ATG5: variants seen among roughly 807,000 people sequenced by gnomAD.
ATG5 encodes autophagy related 5, also known as autophagy protein 5.
In ATG5, 14 loss-of-function variants were observed where a neutral mutation model predicts 36.5. The ratio of observed to expected loss-of-function variants is 0.38; its 90% CI spans 0.25 to 0.60. The LOEUF (loss-of-function observed/expected upper bound fraction) is 0.60, where lower values mean the gene tolerates loss of function less well. ATG5 is among the 20% of genes least tolerant of loss of function. The pLI is 0.60. For synonymous variants in ATG5, 95 were observed against 101.5 expected, an observed-to-expected ratio of 0.94 and a Z score of 0.38; for missense variants, 195 against 326.7, an observed-to-expected ratio of 0.60 and a Z score of 3.11.
At chr6:106,246,509 T>C (rs1157272766) in intron 6 of ATG5, among the ~76,000 whole-genome samples, 1 of 151,934 alleles carries the variant, frequency 6.6e-6, no homozygotes, top group Non-Finnish European at 1.5e-5. Flanking sequence ...CTGACAATTT[T>C]CCCCTAAAAC....
chr6:106,230,484 G>A (rs1308441080), intron 6 of ATG5, among the ~76,000 whole-genome samples: 3 of 152,130 alleles, frequency 2.0e-5, no homozygotes, highest in Non-Finnish European at 4.4e-5. Flanking sequence ...AAGAAAGGCG[G>A]GAAAAGGGGT....
intron 6 of ATG5, among the ~76,000 whole-genome samples, chr6:106,208,498 A>G (rs1776725322): frequency 6.6e-6 from 1 of 152,182 alleles, no homozygotes; most frequent in Non-Finnish European, 1.5e-5. Flanking sequence ...TTTGTAAGCT[A>G]AAAAGTCCAG....
chr6:106,309,063 T>C (rs142309579), intron 2 of ATG5, among the ~76,000 whole-genome samples: 97 of 152,014 alleles, frequency 6.4e-4, no homozygotes, highest in African/African-American at 2.2e-3. Flanking sequence ...TTTTGGAAAA[T>C]CAATTATGAT....
In ATG5 at chr6:106,186,673, C is replaced by T. The variant is rs760275075; in HGVS notation, c.695G>A (p.Gly232Glu). Residue 232 changes from glycine (G) to glutamate (E), a missense_variant, in exon 8 of 8, where the codon GGG becomes GAG. Physicochemically the swap from Gly to Glu is moderately conservative, Grantham distance 98 (BLOSUM62 -2). Transcript: ENST00000369076. ...AATCATCACTTGATTCTTTTTTTCCCCATCTATTCCAAGAAAGAAACCCAA... is the reference window on the plus strand; with the variant it reads ...AATCATCACTTGATTCTTTTTTTCCTCATCTATTCCAAGAAAGAAACCCAA... ...VCPSAIDPED[G>E]EKKNQVMIHG... 1 of 1,612,988 alleles carries T rather than the reference C, an allele frequency of 6.2e-7. No homozygotes were observed. Among genetic ancestry groups the T allele is most frequent in the South Asian group, 1.1e-5 (1 of 91,036 alleles).
At position 106,203,856 on chromosome 6, in the gene ATG5, T is replaced by C. The variant is rs186352423; in HGVS notation, c.574-1767A>G. 1.7e-3 allele frequency among the ~76,000 whole-genome samples: 265 copies of C among 152,372 alleles called. 2 individuals are homozygous for C. The highest frequency in any genetic ancestry group is 6.1e-3 in the African/African-American group (254 of 41,582). The stretch of plus-strand genomic sequence containing the variant: ...AGGCATTAGCGACAAGGTTTTGTTT[T>C]TGTCTTTTAATGACAGAGGTATACC... On this transcript the variant is annotated intron_variant, in intron 6 of 7. Transcript: ENST00000369076.
At chr6:106,254,823 GA>G in intron 5 of ATG5, among the ~76,000 whole-genome samples, 1 of 152,306 alleles carries the variant, frequency 6.6e-6, no homozygotes, top group African/African-American at 2.4e-5. Flanking sequence ...AGAACTGCTG[GA>G]CTGTTCAGTC....
rs143215439 is a variant in ATG5 at position 106,242,067 on chromosome 6, T to C, written c.573+6083A>G. Among the ~76,000 whole-genome samples the C allele has an allele frequency of 1.6e-3, 251 of 152,262 alleles. 1 individual carries two copies. Among genetic ancestry groups the C allele is most frequent in the African/African-American group, 5.3e-3 (219 of 41,546 alleles). On this transcript the variant is annotated intron_variant, in intron 6 of 7. Transcript: ENST00000369076. Reference sequence around the variant, plus strand: ...GAATGGAGAAGCAAAATGTGGTATGTATATACAATGGAATATTATTAAGCC... The same window carrying C: ...GAATGGAGAAGCAAAATGTGGTATGCATATACAATGGAATATTATTAAGCC...
rs571635609 is a variant in ATG5, at chr6:106,228,596, G to A, written c.573+19554C>T. Among the ~76,000 whole-genome samples, 8 of 152,212 alleles carry A rather than the reference G, an allele frequency of 5.3e-5. No homozygotes were observed. In the South Asian group the frequency reaches 6.2e-4, roughly 12 times the overall value. On this transcript the variant is annotated intron_variant, in intron 6 of 7. Coordinates refer to ENST00000369076, the MANE Select transcript of ATG5 (RefSeq NM_004849.4). Reference sequence around the variant, plus strand: ...CTTGCCATCATCTTAGAAGCAGCCCGCCACCATCTTCGGAGTTCTGGGAGC... The same window carrying A: ...CTTGCCATCATCTTAGAAGCAGCCCACCACCATCTTCGGAGTTCTGGGAGC...
intron 6 of ATG5, among the ~76,000 whole-genome samples, chr6:106,208,658 CTT>C (rs1329646910): frequency 6.6e-6 from 1 of 152,028 alleles, no homozygotes; most frequent in Non-Finnish European, 1.5e-5. Context: ...AATAAATAGA[CTT>C]AATTAAAATT....
At chr6:106,221,558 C>T (rs141808345) in intron 6 of ATG5, among the ~76,000 whole-genome samples, 35 of 151,776 alleles carry the variant, frequency 2.3e-4, no homozygotes, top group African/African-American at 8.2e-4. Flanking sequence ...TGGTGGTGTG[C>T]GCCTGTAGTC....
At chr6:106,320,770 G>A (rs932519227) in intron 1 of ATG5, among the ~76,000 whole-genome samples, 1 of 152,130 alleles carries the variant, frequency 6.6e-6, no homozygotes, top group Non-Finnish European at 1.5e-5. Flanking sequence ...CCAAACAGAA[G>A]ACTGAGGGGG....
chr6:106,207,543 A>AG (rs1554213498), intron 6 of ATG5, among the ~76,000 whole-genome samples: 2 of 151,866 alleles, frequency 1.3e-5, no homozygotes, highest in African/African-American at 2.4e-5. Flanking sequence ...TCTTAAAAAA[A>AG]AAAGAAAGAA....
intron 7 of ATG5, among the ~76,000 whole-genome samples, chr6:106,195,820 A>G: frequency 6.6e-6 from 1 of 151,504 alleles, no homozygotes; most frequent in Non-Finnish European, 1.5e-5. Context: ...AAAAAAAAAA[A>G]AAAAAAAAAA....
chr6:106,235,477 G>A (rs576537481), intron 6 of ATG5, among the ~76,000 whole-genome samples: 9,600 of 150,790 alleles, frequency 0.064, 468 homozygotes, highest in Non-Finnish European at 0.094. Flanking sequence ...CCTGTTGAGT[G>A]GGGGGACTGA....
chr6:106,218,523 T>C (rs1777126603), intron 6 of ATG5, among the ~76,000 whole-genome samples: 1 of 152,178 alleles, frequency 6.6e-6, no homozygotes, highest in African/African-American at 2.4e-5. Context: ...CTAATAATGG[T>C]TGGGCCAAAA....
intron 6 of ATG5, among the ~76,000 whole-genome samples, chr6:106,208,701 T>G (rs1776735523): frequency 6.6e-6 from 1 of 152,186 alleles, no homozygotes; most frequent in Admixed American, 6.5e-5. Flanking sequence ...AAGCTTTTGT[T>G]CTGCAAAAGA....
At chr6:106,264,877 C>T (rs1236909493) in intron 5 of ATG5, among the ~76,000 whole-genome samples, 1 of 151,986 alleles carries the variant, frequency 6.6e-6, no homozygotes, top group African/African-American at 2.4e-5. Flanking sequence ...CAGTACCAGC[C>T]ACTGCAAAAA....
At chr6:106,308,791 T>C (rs1770543226) in intron 2 of ATG5, among the ~76,000 whole-genome samples, 1 of 152,200 alleles carries the variant, frequency 6.6e-6, no homozygotes, top group Non-Finnish European at 1.5e-5. Flanking sequence ...TGTCATACTA[T>C]TTAGGATACT....
At chr6:106,302,622 C>A (rs138716039) in intron 3 of ATG5, among the ~76,000 whole-genome samples, 43 of 151,980 alleles carry the variant, frequency 2.8e-4, no homozygotes, top group African/African-American at 9.2e-4. Flanking sequence ...AATCTAGAGG[C>A]TAGATGATGA....
Sources: gnomAD v4.1 joint callset for allele counts (sites outside exome capture counted in the v4.1 genomes callset) on GRCh38, gnomAD v4.1.1 for gene constraint, MANE v1.5 for transcripts, NCBI Gene and HGNC (gene_info 2026-07-23, HGNC 2026-07-21) for gene names.